EP400: variants seen among roughly 807,000 people sequenced by gnomAD.
The protein encoded by EP400 is E1A-binding protein p400.
EP400 carries 105 observed loss-of-function variants against 354.1 expected under a neutral mutation model. That is an observed-to-expected ratio of 0.30 (90% CI 0.25 to 0.35). EP400 has a LOEUF of 0.35. EP400 is among the 10% of genes least tolerant of loss of function. EP400 has a pLI of 1.00. For missense variants in EP400, 3,280 were observed against 4,121.0 expected (o/e 0.80, Z 5.59); for synonymous variants, 1,646 against 1,716.9 (o/e 0.96, Z 1.02).
At position 132,054,386 on chromosome 12, in the gene EP400, T is replaced by G. The variant is rs1203103492; in HGVS notation, c.7729-588T>G. On this transcript the variant is annotated intron_variant, in intron 43 of 52. Transcript: ENST00000389561. The surrounding 1 kb of genome is among the most constrained non-coding windows in gnomAD (Gnocchi z 4.0). ...AAAAGGGATCTTTGTGAATACTTAC[T>G]TGGTGCAAGGTGGGCAAGATGGGCA... Among the ~76,000 whole-genome samples, 1 of 152,222 alleles carries G rather than the reference T, an allele frequency of 6.6e-6. No individual in the cohort carries two copies. Among genetic ancestry groups the G allele is most frequent in the Non-Finnish European group, 1.5e-5 (1 of 68,044 alleles).
chr12:132,063,776 C>G (rs1895788478), intron 47 of EP400, among the ~76,000 whole-genome samples: 1 of 152,280 alleles, frequency 6.6e-6, no homozygotes, highest in African/African-American at 2.4e-5. Flanking sequence ...TATCCTGTTC[C>G]TGTCACACCA....
chr12:132,001,184 G>A (rs1245384436), intron 12 of EP400, among the ~76,000 whole-genome samples: 2 of 152,072 alleles, frequency 1.3e-5, no homozygotes, highest in Non-Finnish European at 2.9e-5. Flanking sequence ...CCACCAAGAC[G>A]CGGAGACTGG....
At chr12:131,953,281 GA>G (rs1435837252) in intron 1 of EP400, among the ~76,000 whole-genome samples, 1 of 152,190 alleles carries the variant, frequency 6.6e-6, no homozygotes, top group Non-Finnish European at 1.5e-5. Flanking sequence ...AACAACAGTA[GA>G]ATGATGGATT....
At chr12:132,014,611 T>C (rs1893866711) in intron 19 of EP400, among the ~76,000 whole-genome samples, 1 of 152,230 alleles carries the variant, frequency 6.6e-6, no homozygotes, top group Admixed American at 6.5e-5. Flanking sequence ...CTGTGCTTAG[T>C]CATCACACCT....
chr12:132,049,568 G>A (rs935320039), intron 39 of EP400, among the ~76,000 whole-genome samples: 1 of 152,178 alleles, frequency 6.6e-6, no homozygotes, highest in Non-Finnish European at 1.5e-5. Flanking sequence ...TCATGTGAGA[G>A]TCTTGGTTTT....
intron 15 of EP400, among the ~76,000 whole-genome samples, chr12:132,008,942 T>TTTA (rs1893674665): frequency 7.5e-6 from 1 of 132,636 alleles, no homozygotes; most frequent in South Asian, 2.5e-4. Flanking sequence ...TTTTTTTTTT[T>TTTA]AGGAGCTGTT....
At position 132,020,200 on chromosome 12, in the gene EP400, G is replaced by A. The variant is rs750149000; in HGVS notation, c.4429G>A (p.Ala1477Thr). The change falls in exon 22 of 53, where the codon GCC becomes ACC. Residue 1477 changes from alanine to threonine, a missense_variant. Transcript: ENST00000389561. ...RGRPPIATFSANPEAKAAAAP... is the reference protein window; with the variant it reads ...RGRPPIATFSTNPEAKAAAAP... ...ACGGCCGCCCATCGCCACGTTCTCT[G>A]CCAATCCGGAGGCAAAAGGTAGACT... 6.8e-6 allele frequency: 11 copies of A among 1,606,574 alleles called. No individual in the cohort carries two copies. The highest frequency in any genetic ancestry group is 8.5e-6 in the Non-Finnish European group (10 of 1,176,828).
Position 132,017,553 on chromosome 12 carries a change from G to A in EP400, c.3942G>A (p.Lys1314=). 1.2e-6 allele frequency: 2 copies of A among 1,614,098 alleles called. No individual in the cohort carries two copies. Among genetic ancestry groups the A allele is most frequent in the Non-Finnish European group, 8.5e-7 (1 of 1,179,996 alleles). Residue 1314 remains lysine, a synonymous_variant, in exon 20 of 53, where the codon AAG becomes AAA. Coordinates refer to ENST00000389561, the MANE Select transcript of EP400 (RefSeq NM_015409.5). This position sits in a 1 kb window ranked among gnomAD's most constrained non-coding sequence, Gnocchi z 5.0. ...ILQPGTQEAL[K]SGHFVNVLSI... ...CGGGCAGCACTCAGGAGGCCTTGAAGAGCGGGCACTTTGTCAACGTCCTGA... is the reference window on the plus strand; with the variant it reads ...CGGGCAGCACTCAGGAGGCCTTGAAAAGCGGGCACTTTGTCAACGTCCTGA...
Position 132,048,212 on chromosome 12 carries a change from G to C in EP400, c.7201-2111G>C, listed in dbSNP as rs192681953. The stretch of plus-strand genomic sequence containing the variant: ...CAGCTTACAAAGATGATGGGATTAA[G>C]AGATTAAAGACAGGCCTAGGAAATC... On this transcript the variant is annotated intron_variant, in intron 39 of 52. Transcript: ENST00000389561. Among the ~76,000 whole-genome samples the C allele has an allele frequency of 8.7e-4, 133 of 152,316 alleles. No homozygotes were observed. In the East Asian group the frequency reaches 0.024, roughly 27 times the overall value.
chr12:131,963,948 A>G (rs1891986825), intron 2 of EP400, among the ~76,000 whole-genome samples: 1 of 152,118 alleles, frequency 6.6e-6, no homozygotes. Context: ...TGTGTTTTCA[A>G]TGTTGGTTCT....
chr12:131,992,071 G>A, intron 10 of EP400, 102 bp from the exon 11 acceptor site: 1 of 1,283,738 alleles, frequency 7.8e-7, no homozygotes, highest in Admixed American at 1.7e-5. Context: ...TAGCAGGCTT[G>A]CCCCGGGGCT....
intron 23 of EP400, among the ~76,000 whole-genome samples, chr12:132,022,201 C>T (rs976219665): frequency 2.0e-5 from 3 of 152,232 alleles, no homozygotes; most frequent in African/African-American, 7.2e-5. Flanking sequence ...CTTCATCAAA[C>T]TAGACACTGT....
chr12:132,032,545 A>T (rs1894550107), intron 30 of EP400, among the ~76,000 whole-genome samples: 1 of 152,214 alleles, frequency 6.6e-6, no homozygotes, highest in African/African-American at 2.4e-5. Flanking sequence ...TTTAATTATG[A>T]ACTATAAATT....
chr12:131,993,015 TCTG>T (rs779593273), intron 11 of EP400, among the ~76,000 whole-genome samples: 52 of 152,214 alleles, frequency 3.4e-4, no homozygotes, highest in Admixed American at 1.6e-3. Context: ...AGTATTCAGT[TCTG>T]CTGCGTATGA....
Position 132,045,784 on chromosome 12 carries a change from A to G in EP400, c.7084A>G (p.Thr2362Ala), listed in dbSNP as rs763002012. 1 of 1,614,188 alleles carries G rather than the reference A, an allele frequency of 6.2e-7. No homozygotes were observed. The highest frequency in any genetic ancestry group is 1.1e-5 in the South Asian group (1 of 91,082). ...CCTCACAATCGTGTCACCTGCTCAC[A>G]CACCTAATTGGGATCTTGTCAGTGA... Reference protein sequence around the residue: ...LNLTIVSPAHTPNWDLVSDVV... With the variant: ...LNLTIVSPAHAPNWDLVSDVV... The change falls in exon 39 of 53, where the codon ACA (threonine) becomes GCA (alanine). Residue 2362 changes from threonine (T) to alanine (A), a missense_variant. Thr to Ala is a moderately conservative substitution (Grantham distance 58). Transcript: ENST00000389561.
Position 132,067,080 on chromosome 12 carries a change from G to T in EP400, c.8749+111G>T. Reference sequence around the variant, plus strand: ...GTTCTTTCCTCACACCCACCCACTTGAGCGTGCCATCACGTGTTCTAGCAC... The same window carrying T: ...GTTCTTTCCTCACACCCACCCACTTTAGCGTGCCATCACGTGTTCTAGCAC... On this transcript the variant is annotated intron_variant, in intron 49 of 52. Coordinates refer to ENST00000389561, the MANE Select transcript of EP400 (RefSeq NM_015409.5). This position sits in a 1 kb window ranked among gnomAD's most constrained non-coding sequence, Gnocchi z 5.3. The T allele has an allele frequency of 7.4e-7, 1 of 1,349,058 alleles. No individual in the cohort carries two copies. Among genetic ancestry groups the T allele is most frequent in the South Asian group, 1.5e-5 (1 of 65,008 alleles). The allele number at this position is 1,349,058 out of a possible 1,614,324, so 83.6% of individuals were successfully genotyped here. A position where few individuals can be genotyped will look rare whatever the true frequency, so the allele number is the denominator to read the frequency against.
chr12:132,004,614 T>G (rs982470032), intron 12 of EP400, among the ~76,000 whole-genome samples: 2 of 152,236 alleles, frequency 1.3e-5, no homozygotes, highest in Admixed American at 6.5e-5. Flanking sequence ...TCAGATATTT[T>G]AAATCTTTTG....
In EP400 at chr12:132,077,713, C is replaced by T. The variant is rs1356163594; in HGVS notation, c.*40C>T. On this transcript the variant is annotated 3_prime_UTR_variant, in exon 53 of 53. Transcript: ENST00000389561. ...CTGCCTCTCATCTAAAGCAAAACTA[C>T]CTTCCTCACAGAAAACGCTTTATTA... 3.9e-6 allele frequency: 6 copies of T among 1,532,002 alleles called. No individual in the cohort carries two copies. Among genetic ancestry groups the T allele is most frequent in the Non-Finnish European group, 5.2e-6 (6 of 1,143,806 alleles). The allele number at this position is 1,532,002 out of a possible 1,614,324, so 94.9% of individuals were successfully genotyped here. A position where few individuals can be genotyped will look rare whatever the true frequency, so the allele number is the denominator to read the frequency against.
intron 2 of EP400, among the ~76,000 whole-genome samples, chr12:131,975,672 A>G (rs1892448643): frequency 6.6e-6 from 1 of 151,530 alleles, no homozygotes; most frequent in Non-Finnish European, 1.5e-5. Flanking sequence ...TGATCCTCCC[A>G]TCCCAGCTTC....
Sources: gnomAD v4.1 joint callset for allele counts (sites outside exome capture counted in the v4.1 genomes callset) on GRCh38, gnomAD v4.1.1 for gene constraint, Gnocchi (gnomAD v3.1) non-coding constraint, MANE v1.5 for transcripts, NCBI Gene and HGNC (gene_info 2026-07-23, HGNC 2026-07-21) for gene names.